CDH4: variants seen among roughly 807,000 people sequenced by gnomAD.
The protein encoded by CDH4 is cadherin 4, also known as cadherin-4.
CDH4 carries 33 observed loss-of-function variants against 86.0 expected under a neutral mutation model. The ratio of observed to expected loss-of-function variants is 0.38; its 90% CI spans 0.29 to 0.51. The LOEUF is 0.51. Ranked by LOEUF, CDH4 falls within the 20% of genes least tolerant of loss-of-function variation. The pLI is 0.86. For missense variants in CDH4, 1,114 were observed against 1,307.4 expected (o/e 0.85, Z 2.28); for synonymous variants, 555 against 549.4 (o/e 1.01, Z -0.14).
intron 1 of CDH4, among the ~76,000 whole-genome samples, chr20:61,253,390 G>A (rs1329138205): frequency 6.6e-6 from 1 of 152,078 alleles, no homozygotes; most frequent in East Asian, 1.9e-4. Context: ...GGCAGAGAGC[G>A]CGGCGGCTCC....
intron 2 of CDH4, among the ~76,000 whole-genome samples, chr20:61,508,751 G>A (rs1372226858): frequency 1.3e-5 from 2 of 152,262 alleles, no homozygotes; most frequent in East Asian, 3.9e-4. Context: ...CGGGATTTGA[G>A]CAGTTTCTTC....
chr20:61,810,210 C>T lies in CDH4; in HGVS notation c.577-34458C>T, dbSNP rs1291092813. Among the ~76,000 whole-genome samples, 1 of 152,220 alleles carries T rather than the reference C, an allele frequency of 6.6e-6. No homozygotes were observed. The highest frequency in any genetic ancestry group is 2.4e-5 in the African/African-American group (1 of 41,458). The stretch of plus-strand genomic sequence containing the variant: ...AGGGAGGCCGGGCCAGCCACACTAA[C>T]ATCCCACTGGCAGACCCCGGGAAAG... On this transcript the variant is annotated intron_variant, in intron 4 of 15. Coordinates refer to ENST00000614565, the MANE Select transcript of CDH4 (RefSeq NM_001794.5). The surrounding 1 kb of genome is among the most constrained non-coding windows in gnomAD (Gnocchi z 4.3).
intron 2 of CDH4, among the ~76,000 whole-genome samples, chr20:61,472,932 TA>T (rs745831065): frequency 6.6e-6 from 1 of 152,194 alleles, no homozygotes; most frequent in Non-Finnish European, 1.5e-5. Context: ...TGTTTTTACC[TA>T]ATGCTCTTTC....
intron 2 of CDH4, among the ~76,000 whole-genome samples, chr20:61,483,985 A>C (rs1242710887): frequency 6.6e-6 from 1 of 152,056 alleles, no homozygotes; most frequent in Non-Finnish European, 1.5e-5. Context: ...CCACTTGCAG[A>C]TGTGTCTCTC....
At chr20:61,609,634 A>C (rs998823701) in intron 2 of CDH4, among the ~76,000 whole-genome samples, 1 of 152,132 alleles carries the variant, frequency 6.6e-6, no homozygotes, top group Admixed American at 6.5e-5. Context: ...CGTGCTCCTC[A>C]TTCTCTGTCG....
At chr20:61,375,107 C>T (rs2084859590) in intron 2 of CDH4, among the ~76,000 whole-genome samples, 1 of 152,194 alleles carries the variant, frequency 6.6e-6, no homozygotes, top group Non-Finnish European at 1.5e-5. Flanking sequence ...AACCAAGCTG[C>T]ACCCCAACCA....
chr20:61,541,261 G>T (rs1347341617), intron 2 of CDH4, among the ~76,000 whole-genome samples: 1 of 152,124 alleles, frequency 6.6e-6, no homozygotes, highest in Admixed American at 6.5e-5. Context: ...GTGCATTAAC[G>T]TGCGGAGAAC....
intron 8 of CDH4, among the ~76,000 whole-genome samples, chr20:61,904,413 G>T (rs111783309): frequency 6.6e-6 from 1 of 152,136 alleles, no homozygotes; most frequent in African/African-American, 2.4e-5. Flanking sequence ...TCCCTCTTCC[G>T]TCTCTCCCCT....
At chr20:61,475,868 A>G (rs954196634) in intron 2 of CDH4, among the ~76,000 whole-genome samples, 1 of 151,832 alleles carries the variant, frequency 6.6e-6, no homozygotes, top group Non-Finnish European at 1.5e-5. Context: ...ACTAATTCTG[A>G]AAGAAAGCTT....
chr20:61,677,761 G>A (rs1199486804), intron 2 of CDH4, among the ~76,000 whole-genome samples: 4 of 90,964 alleles, frequency 4.4e-5, no homozygotes, highest in Non-Finnish European at 9.0e-5. Flanking sequence ...ATAGGTGGAT[G>A]GATGGTTAGA....
chr20:61,626,075 T>C (rs2086827368), intron 2 of CDH4, among the ~76,000 whole-genome samples: 2 of 152,232 alleles, frequency 1.3e-5, no homozygotes, highest in African/African-American at 4.8e-5. Context: ...TTTGAGCACT[T>C]ACCGTGTGTC....
chr20:61,563,396 C>T (rs370630568), intron 2 of CDH4, among the ~76,000 whole-genome samples: 18 of 152,348 alleles, frequency 1.2e-4, no homozygotes, highest in Middle Eastern at 3.4e-3. Flanking sequence ...CCCAGGAATC[C>T]AGCCCCAATG....
At chr20:61,924,111 C>A (rs1217182947) in intron 10 of CDH4, among the ~76,000 whole-genome samples, 1 of 152,222 alleles carries the variant, frequency 6.6e-6, no homozygotes, top group East Asian at 1.9e-4. Context: ...GAGCTTGGTG[C>A]CCGTAGCCAC....
chr20:61,477,238 G>A (rs1335817680), intron 2 of CDH4, among the ~76,000 whole-genome samples: 1 of 152,222 alleles, frequency 6.6e-6, no homozygotes, highest in Non-Finnish European at 1.5e-5. Flanking sequence ...GGGCAGGAGG[G>A]GTCCTATGGC....
At chr20:61,724,927 A>G (rs929370054) in intron 2 of CDH4, among the ~76,000 whole-genome samples, 3 of 152,148 alleles carry the variant, frequency 2.0e-5, no homozygotes, top group Admixed American at 1.3e-4. Flanking sequence ...CCTGGGCAAC[A>G]TAGCATGGCC....
intron 2 of CDH4, among the ~76,000 whole-genome samples, chr20:61,285,073 T>G (rs1163691052): frequency 1.0e-5 from 1 of 95,810 alleles, no homozygotes; most frequent in Non-Finnish European, 2.2e-5. Context: ...GCCTTTCCTG[T>G]TTTTTTTTTT....
At chr20:61,320,900 G>A (rs548936714) in intron 2 of CDH4, among the ~76,000 whole-genome samples, 147 of 152,186 alleles carry the variant, frequency 9.7e-4, no homozygotes, top group Middle Eastern at 3.4e-3. Context: ...TGGGCAGGGC[G>A]GGGTGCACAG....
Position 61,702,379 on chromosome 20 carries a change from C to T in CDH4, c.170-41184C>T, listed in dbSNP as rs545275089. Among the ~76,000 whole-genome samples, 29 of 152,286 alleles carry T rather than the reference C, an allele frequency of 1.9e-4. No individual in the cohort carries two copies. In the South Asian group the frequency reaches 3.9e-3, roughly 21 times the overall value. ...GCAGAGTTAGACGAGGCAGGAGCCACGTAATGGGTCCCTCTGTCCTCCAGG... is the reference window on the plus strand; with the variant it reads ...GCAGAGTTAGACGAGGCAGGAGCCATGTAATGGGTCCCTCTGTCCTCCAGG... On this transcript the variant is annotated intron_variant, in intron 2 of 15. Transcript: ENST00000614565.
intron 2 of CDH4, among the ~76,000 whole-genome samples, chr20:61,679,906 A>G (rs1457794170): frequency 6.6e-6 from 1 of 152,188 alleles, no homozygotes; most frequent in Non-Finnish European, 1.5e-5. Flanking sequence ...TTCTCATGAG[A>G]GAGCCATTTT....
Sources: gnomAD v4.1 joint callset for allele counts (sites outside exome capture counted in the v4.1 genomes callset) on GRCh38, gnomAD v4.1.1 for gene constraint, Gnocchi (gnomAD v3.1) non-coding constraint, MANE v1.5 for transcripts, NCBI Gene and HGNC (gene_info 2026-07-23, HGNC 2026-07-21) for gene names.